Variants in DDHD1 observed in about 807,000 individuals in gnomAD.
DDHD1 encodes phospholipase DDHD1.
A neutral mutation model predicts 96.4 loss-of-function variants in DDHD1; 49 were observed. The observed-to-expected ratio is 0.51, with a 90% CI of 0.40 to 0.64. The LOEUF is 0.64. DDHD1 is among the 30% of genes least tolerant of loss of function. DDHD1 has a pLI of 0.00. For synonymous variants in DDHD1, 442 were observed against 446.5 expected (o/e 0.99, Z 0.13); for missense variants, 1,106 against 1,161.2 (o/e 0.95, Z 0.69).
chr14:53,137,426 T>C (rs1207741686), intron 1 of DDHD1, among the ~76,000 whole-genome samples: 1 of 152,030 alleles, frequency 6.6e-6, no homozygotes, highest in Non-Finnish European at 1.5e-5. Flanking sequence ...ACCCTGTCTC[T>C]ACTAAAAATA....
Position 53,152,803 on chromosome 14 carries a change from G to A in DDHD1, c.296C>T (p.Ser99Leu). ...CTCACCCTCGCTGTAGTAGCGCAGC[G>A]AGGAGCCCGACTCGGCGGAGCTGAA... The part of the protein sequence containing the change: ...YDFSSAESGS[S>L]LRYYSEGESG... The change falls in exon 1 of 13, where the codon TCG becomes TTG. Residue 99 changes from serine to leucine, a missense_variant. This residue lies in a region of DDHD1 where 456 missense variants were observed against 402.4 expected (regional missense o/e 1.13). Coordinates refer to ENST00000673822, the MANE Select transcript of DDHD1 (RefSeq NM_001160148.2). 6.2e-7 allele frequency: 1 copy of A among 1,609,170 alleles called. No individual in the cohort carries two copies. Among genetic ancestry groups the A allele is most frequent in the Non-Finnish European group, 8.5e-7 (1 of 1,178,858 alleles).
intron 2 of DDHD1, chr14:53,103,120 G>A: frequency 6.8e-7 from 1 of 1,475,612 alleles, no homozygotes. Flanking sequence ...TCAAGATTTA[G>A]ACACACAATG....
chr14:53,058,627 C>T lies in DDHD1; in HGVS notation c.1843-1G>A. The T allele has an allele frequency of 6.3e-7, 1 of 1,586,502 alleles. No individual in the cohort carries two copies. The highest frequency in any genetic ancestry group is 8.6e-7 in the Non-Finnish European group (1 of 1,169,424). ...ATCCCATACAGAAGAAATTCTCAAC[C>T]TAAAATGATAAAGTCATCTTAAAGT... is the stretch of plus-strand genomic sequence containing the variant. On this transcript the variant is annotated splice_acceptor_variant, in intron 8 of 12. Transcript: ENST00000673822. LOFTEE classifies it high-confidence loss of function.
intron 1 of DDHD1, among the ~76,000 whole-genome samples, chr14:53,146,497 A>AC: frequency 6.7e-6 from 1 of 149,818 alleles, no homozygotes; most frequent in Admixed American, 6.6e-5. Context: ...GAGCATCTCA[A>AC]AAAAAAAAAA....
At chr14:53,094,521 A>T (rs1708309358) in intron 2 of DDHD1, among the ~76,000 whole-genome samples, 1 of 151,984 alleles carries the variant, frequency 6.6e-6, no homozygotes, top group Admixed American at 6.6e-5. Flanking sequence ...GGCAACAATA[A>T]TGAGACCCCG....
intron 6 of DDHD1, among the ~76,000 whole-genome samples, chr14:53,070,740 A>C (rs368522192): frequency 5.3e-5 from 8 of 152,330 alleles, no homozygotes; most frequent in African/African-American, 1.9e-4. Context: ...TAAACCTGTT[A>C]ACTCTGAAAT....
At chr14:53,094,759 G>A (rs577823918) in intron 2 of DDHD1, among the ~76,000 whole-genome samples, 25 of 151,380 alleles carry the variant, frequency 1.7e-4, no homozygotes, top group African/African-American at 4.4e-4. Flanking sequence ...CAGGAGGATC[G>A]CTTAAGCCCA....
intron 6 of DDHD1, among the ~76,000 whole-genome samples, chr14:53,064,076 T>C (rs977366956): frequency 1.3e-5 from 2 of 152,204 alleles, no homozygotes; most frequent in Admixed American, 1.3e-4. Flanking sequence ...GACATGGGTT[T>C]TAAGTAAAAC....
intron 1 of DDHD1, among the ~76,000 whole-genome samples, chr14:53,115,327 C>T (rs1230496194): frequency 6.6e-6 from 1 of 152,136 alleles, no homozygotes; most frequent in Non-Finnish European, 1.5e-5. Context: ...AGGAGAACTT[C>T]CCCAGCCTAG....
chr14:53,143,191 T>C (rs140152276), intron 1 of DDHD1, among the ~76,000 whole-genome samples: 84 of 152,364 alleles, frequency 5.5e-4, no homozygotes, highest in African/African-American at 1.9e-3. Context: ...TTGAGCCAAG[T>C]CTGGATCCAG....
chr14:53,059,863 CAAAAAAAA>C (rs60708379), intron 8 of DDHD1, among the ~76,000 whole-genome samples: 35 of 18,510 alleles, frequency 1.9e-3, no homozygotes, highest in African/African-American at 2.2e-3. Context: ...GACTCTGTCT[CAAAAAAAA>C]AAAAAAAAAA....
At chr14:53,118,532 C>T (rs191132369) in intron 1 of DDHD1, among the ~76,000 whole-genome samples, 6 of 151,830 alleles carry the variant, frequency 4.0e-5, no homozygotes, top group Non-Finnish European at 7.4e-5. Context: ...CTTCAATAGC[C>T]GATTCAAACA....
At chr14:53,107,745 C>T (rs369754872) in intron 1 of DDHD1, among the ~76,000 whole-genome samples, 2 of 152,224 alleles carry the variant, frequency 1.3e-5, no homozygotes, top group South Asian at 2.1e-4. Flanking sequence ...GAGCTGAGAT[C>T]GTGCTGAGAG....
Position 53,152,520 on chromosome 14 carries a change from G to A in DDHD1, c.579C>T (p.Ala193=), listed in dbSNP as rs149564453. 6.0e-5 allele frequency: 97 copies of A among 1,613,342 alleles called. No homozygotes were observed. Among genetic ancestry groups the A allele is most frequent in the Non-Finnish European group, 5.1e-5 (60 of 1,179,928 alleles). ...CCGTGGTCTGCAGCAGGGTCCGGAA[G>A]GCGAGCTCGATGCGGAGCGAGTCGT... is the stretch of plus-strand genomic sequence containing the variant. The part of the protein sequence containing the change: ...IGYDSLRIEL[A]FRTLLQTTGA... Residue 193 remains alanine, a synonymous_variant, in exon 1 of 13, where the codon GCC becomes GCT. Transcript: ENST00000673822.
At position 53,040,845 on chromosome 14, in the gene DDHD1, G is replaced by A. The variant is rs556595500; in HGVS notation, c.*5923C>T. The A allele has an allele frequency of 3.3e-5, 5 of 152,188 alleles. No homozygotes were observed. The East Asian group carries it at 7.7e-4, about 23-fold the overall frequency. The allele number at this position is 152,188 out of a possible 1,614,324, so 9.4% of individuals were successfully genotyped here. A position where few individuals can be genotyped will look rare whatever the true frequency, so the allele number is the denominator to read the frequency against. ...GTGTTAGAGAGAGTGAACATAAGAA[G>A]TCATAGGAGCTGAAAGAAAGGAAAC... On this transcript the variant is annotated 3_prime_UTR_variant, in exon 13 of 13. Transcript: ENST00000673822.
At position 53,040,602 on chromosome 14, in the gene DDHD1, A is replaced by G. The variant is rs940586815; in HGVS notation, c.*6166T>C. 5.3e-5 allele frequency: 8 copies of G among 152,218 alleles called. No individual in the cohort carries two copies. Among genetic ancestry groups the G allele is most frequent in the African/African-American group, 1.7e-4 (7 of 41,460 alleles). 9.4% of individuals were successfully genotyped at this position (152,218 alleles called of 1,614,324 possible). A position where few individuals can be genotyped will look rare whatever the true frequency, so the allele number is the denominator to read the frequency against. ...AATGTGCATGCACCAGTTCCAGCTG[A>G]GAAAATCAGAACTGGACAATGCCAG... On this transcript the variant is annotated 3_prime_UTR_variant, in exon 13 of 13. Coordinates refer to ENST00000673822, the MANE Select transcript of DDHD1 (RefSeq NM_001160148.2).
intron 2 of DDHD1, among the ~76,000 whole-genome samples, chr14:53,098,542 T>G (rs985738230): frequency 1.3e-5 from 2 of 152,006 alleles, no homozygotes; most frequent in African/African-American, 4.8e-5. Flanking sequence ...TGAGAAAATT[T>G]CTGGCAATCT....
intron 1 of DDHD1, among the ~76,000 whole-genome samples, chr14:53,133,409 A>G (rs892944085): frequency 6.6e-6 from 1 of 152,090 alleles, no homozygotes; most frequent in South Asian, 2.1e-4. Flanking sequence ...CCACCTCTAT[A>G]CAATCTGATA....
chr14:53,058,468 G>A lies in DDHD1; in HGVS notation c.1992+9C>T. On this transcript the variant is annotated intron_variant, in intron 9 of 12. Coordinates refer to ENST00000673822, the MANE Select transcript of DDHD1 (RefSeq NM_001160148.2). Reference sequence around the variant, plus strand: ...ATTGAGAAAAAAAAGAGTCTATATTGCAACTCACCACTGGATCTGTAGGAT... The same window carrying A: ...ATTGAGAAAAAAAAGAGTCTATATTACAACTCACCACTGGATCTGTAGGAT... 1 of 1,602,506 alleles carries A rather than the reference G, an allele frequency of 6.2e-7. No homozygotes were observed. Among genetic ancestry groups the A allele is most frequent in the South Asian group, 1.1e-5 (1 of 88,270 alleles).
Sources: gnomAD v4.1 joint callset for allele counts (sites outside exome capture counted in the v4.1 genomes callset) on GRCh38, gnomAD v4.1.1 for gene constraint, gnomAD v4.1.1 regional missense constraint, MANE v1.5 for transcripts, NCBI Gene and HGNC (gene_info 2026-07-23, HGNC 2026-07-21) for gene names.